The following BDKRB2 variants were observed in gnomAD, a reference collection of about 807,000 sequenced individuals.
The protein encoded by BDKRB2 is B2 bradykinin receptor.
A neutral mutation model predicts 4.0 loss-of-function variants in BDKRB2; 6 were observed. The observed-to-expected ratio is 1.49, with a 90% CI of 0.81 to 2.93. The LOEUF (loss-of-function observed/expected upper bound fraction) is 2.93, where lower values mean the gene tolerates loss of function less well. BDKRB2 is among the 30% of genes most tolerant of loss of function. The pLI is 0.00. For missense variants in BDKRB2, 478 were observed against 520.1 expected (o/e 0.92, Z 0.79); for synonymous variants, 225 against 215.3 (o/e 1.05, Z -0.40).
At chr14:96,227,804 G>T (rs917984092) in intron 1 of BDKRB2, among the ~76,000 whole-genome samples, 4 of 152,252 alleles carry the variant, frequency 2.6e-5, no homozygotes, top group African/African-American at 9.6e-5. Context: ...TAGCAAGATT[G>T]CGAGACAGAT....
At chr14:96,237,705 C>T (rs1595264253) in intron 2 of BDKRB2, 1 of 1,288,984 alleles carries the variant, frequency 7.8e-7, no homozygotes, top group Non-Finnish European at 1.0e-6. Context: ...AACCTCTCCA[C>T]CCTGCTGCAG....
intron 1 of BDKRB2, among the ~76,000 whole-genome samples, chr14:96,215,681 G>A (rs1163568445): frequency 1.3e-5 from 2 of 152,086 alleles, no homozygotes; most frequent in African/African-American, 4.8e-5. Context: ...TTTTTATGTT[G>A]TCTTGGCTAC....
chr14:96,239,412 C>A (rs1022832242), intron 2 of BDKRB2: 17 of 985,248 alleles, frequency 1.7e-5, no homozygotes, highest in African/African-American at 5.2e-5. Flanking sequence ...AAGCCCCACG[C>A]CTCTGCTGAA....
At chr14:96,236,830 A>AT (rs1272621350) in intron 1 of BDKRB2, among the ~76,000 whole-genome samples, 3 of 152,132 alleles carry the variant, frequency 2.0e-5, no homozygotes, top group African/African-American at 7.2e-5. Flanking sequence ...CTTTTGCTTG[A>AT]TTTTTCACTG....
intron 2 of BDKRB2, chr14:96,239,443 A>G: frequency 1.0e-6 from 1 of 985,404 alleles, no homozygotes; most frequent in Non-Finnish European, 1.2e-6. Context: ...AATTACAGCA[A>G]CAAGTCTAGA....
At chr14:96,217,696 A>G (rs1595250957) in intron 1 of BDKRB2, among the ~76,000 whole-genome samples, 1 of 151,794 alleles carries the variant, frequency 6.6e-6, no homozygotes, top group Non-Finnish European at 1.5e-5. Flanking sequence ...TCACCTCCTC[A>G]CTCTCCCAGT....
At position 96,215,508 on chromosome 14, in the gene BDKRB2, T is replaced by C. The variant is rs188890462; in HGVS notation, c.-40+10549T>C. ...GGAGGGGGTTGAAGGTTCTGGGTTT[T>C]CTTCACTGAATTATCCAAATATTAA... is the stretch of plus-strand genomic sequence containing the variant. On this transcript the variant is annotated intron_variant, in intron 1 of 2. Transcript: ENST00000554311. Among the ~76,000 whole-genome samples the C allele has an allele frequency of 7.2e-5, 11 of 152,248 alleles. No homozygotes were observed. The East Asian group carries it at 1.9e-3, about 27-fold the overall frequency.
chr14:96,210,018 TC>T (rs67000431), intron 1 of BDKRB2, among the ~76,000 whole-genome samples: 3,194 of 116,484 alleles, frequency 0.027, 88 homozygotes, highest in East Asian at 0.11. Context: ...ATAATAATAA[TC>T]ATCATCATCA....
At chr14:96,230,513 G>GC (rs895037334) in intron 1 of BDKRB2, among the ~76,000 whole-genome samples, 1 of 151,954 alleles carries the variant, frequency 6.6e-6, no homozygotes, top group Non-Finnish European at 1.5e-5. Flanking sequence ...TCCCGCCTCA[G>GC]CCCCCCAAGT....
intron 1 of BDKRB2, among the ~76,000 whole-genome samples, chr14:96,218,946 A>G (rs1890490416): frequency 6.6e-6 from 1 of 151,378 alleles, no homozygotes; most frequent in African/African-American, 2.4e-5. Context: ...GAACCAAAAC[A>G]AATAAAAACC....
At chr14:96,230,648 C>T (rs1400639273) in intron 1 of BDKRB2, among the ~76,000 whole-genome samples, 3 of 148,492 alleles carry the variant, frequency 2.0e-5, no homozygotes, top group East Asian at 2.0e-4. Flanking sequence ...GATGGAGTCT[C>T]GCTCCGTCAC....
intron 1 of BDKRB2, among the ~76,000 whole-genome samples, chr14:96,219,581 CA>C (rs374282062): frequency 0.075 from 10,153 of 135,438 alleles, 478 homozygotes; most frequent in East Asian, 0.21. Context: ...CTAACTGTAG[CA>C]AAAAAAAAAA....
intron 1 of BDKRB2, among the ~76,000 whole-genome samples, chr14:96,227,423 T>C (rs994374240): frequency 2.0e-5 from 3 of 152,152 alleles, no homozygotes; most frequent in African/African-American, 7.2e-5. Flanking sequence ...GGGCTTCTGA[T>C]AGGGAGTGGG....
chr14:96,216,677 G>A (rs1890423410), intron 1 of BDKRB2, among the ~76,000 whole-genome samples: 1 of 140,354 alleles, frequency 7.1e-6, no homozygotes, highest in African/African-American at 2.6e-5. Context: ...AGAGGAAGAA[G>A]AAGGAGGAGG....
At position 96,230,513 on chromosome 14, in the gene BDKRB2, GC is replaced by G. The variant is rs895037334; in HGVS notation, c.-39-6550del. ...GGGTTCAAGTGATTCTCCCGCCTCA[GC>G]CCCCCAAGTAGCTGGGATTATAGGC... On this transcript the variant is annotated intron_variant, in intron 1 of 2. Coordinates refer to ENST00000554311, the MANE Select transcript of BDKRB2 (RefSeq NM_001379692.1). 5.3e-5 allele frequency among the ~76,000 whole-genome samples: 8 copies of G among 151,954 alleles called. 1 individual carries two copies. Among genetic ancestry groups the G allele is most frequent in the Admixed American group, 5.2e-4 (8 of 15,248 alleles).
At chr14:96,210,670 T>C (rs920001434) in intron 1 of BDKRB2, among the ~76,000 whole-genome samples, 1 of 152,202 alleles carries the variant, frequency 6.6e-6, no homozygotes, top group African/African-American at 2.4e-5. Flanking sequence ...GGCTAATGTC[T>C]AAGGTTGTGG....
intron 1 of BDKRB2, among the ~76,000 whole-genome samples, chr14:96,216,429 GAGACA>G (rs1210855526): frequency 6.6e-6 from 1 of 151,988 alleles, no homozygotes; most frequent in Non-Finnish European, 1.5e-5. Flanking sequence ...CCAGGAGTTC[GAGACA>G]AGCCTGGGCA....
chr14:96,231,207 C>T (rs1384619645), intron 1 of BDKRB2, among the ~76,000 whole-genome samples: 1 of 152,328 alleles, frequency 6.6e-6, no homozygotes, highest in African/African-American at 2.4e-5. Context: ...TCTCCAGGCT[C>T]CCTCATGTCC....
At position 96,243,987 on chromosome 14, in the gene BDKRB2, T is replaced by C. The variant is rs1885374352; in HGVS notation, c.*2483T>C. Reference sequence around the variant, plus strand: ...ACACCTGGTCTGAGGGGCAACTGAGTCTGCGGGAGAAGAGCGGCCCTATGC... The same window carrying C: ...ACACCTGGTCTGAGGGGCAACTGAGCCTGCGGGAGAAGAGCGGCCCTATGC... On this transcript the variant is annotated 3_prime_UTR_variant, in exon 3 of 3. Transcript: ENST00000554311. 1 of 389,256 alleles carries C rather than the reference T, an allele frequency of 2.6e-6. No individual in the cohort carries two copies. The highest frequency in any genetic ancestry group is 4.5e-5 in the Admixed American group (1 of 22,420). The allele number at this position is 389,256 out of a possible 1,614,324, so 24.1% of individuals were successfully genotyped here. A position where few individuals can be genotyped will look rare whatever the true frequency, so the allele number is the denominator to read the frequency against.
Sources: allele counts gnomAD v4.1 joint callset (sites outside exome capture counted in the v4.1 genomes callset), GRCh38; gene constraint gnomAD v4.1.1; transcripts MANE v1.5; gene names NCBI Gene and HGNC (gene_info 2026-07-23, HGNC 2026-07-21).